The following NBEA variants were observed in gnomAD, a reference collection of about 807,000 sequenced individuals.
The protein encoded by NBEA is neurobeachin.
Under a neutral mutation model 343.4 loss-of-function variants are expected in NBEA, and 44 were observed. The observed-to-expected ratio is 0.13, with a 90% CI of 0.10 to 0.16. The LOEUF is 0.16. Ranked by LOEUF, NBEA falls within the 10% of genes least tolerant of loss-of-function variation. The probability of loss-of-function intolerance (pLI) is 1.00; values close to 1 mark genes in which losing one functional copy is unlikely to be tolerated. For synonymous variants in NBEA, 1,175 were observed against 1,238.7 expected (o/e 0.95, Z 1.08); for missense variants, 2,555 against 3,631.3 (o/e 0.70, Z 7.62).
chr13:35,427,520 G>A (rs1215214168), intron 38 of NBEA, among the ~76,000 whole-genome samples: 16 of 152,176 alleles, frequency 1.1e-4, no homozygotes, highest in African/African-American at 3.4e-4. Flanking sequence ...GTACCCGGCC[G>A]TGTGAGGTGT....
At chr13:35,278,366 T>C (rs2034793548) in intron 34 of NBEA, among the ~76,000 whole-genome samples, 1 of 152,090 alleles carries the variant, frequency 6.6e-6, no homozygotes, top group Non-Finnish European at 1.5e-5. Flanking sequence ...GTTTAACACA[T>C]GGCAATACAA....
chr13:34,971,326 G>T (rs1194085920), intron 1 of NBEA, among the ~76,000 whole-genome samples: 1 of 152,060 alleles, frequency 6.6e-6, no homozygotes, highest in East Asian at 1.9e-4. Context: ...GGCAAACAGG[G>T]TTAGTTTGAC....
At chr13:35,001,490 A>G (rs751881344) in intron 1 of NBEA, among the ~76,000 whole-genome samples, 3 of 152,184 alleles carry the variant, frequency 2.0e-5, no homozygotes, top group Non-Finnish European at 2.9e-5. Context: ...CTATTCGGCT[A>G]TAAAAACAAG....
chr13:35,444,079 T>C (rs2045872683), intron 39 of NBEA, among the ~76,000 whole-genome samples: 1 of 151,988 alleles, frequency 6.6e-6, no homozygotes, highest in African/African-American at 2.4e-5. Context: ...CTATTACTTT[T>C]ATCTCACAGA....
At chr13:35,212,261 C>G (rs1343122030) in intron 33 of NBEA, among the ~76,000 whole-genome samples, 1 of 151,968 alleles carries the variant, frequency 6.6e-6, no homozygotes, top group Non-Finnish European at 1.5e-5. Context: ...TAAGTACATC[C>G]TATGTATTTC....
At chr13:35,207,152 GAAT>G (rs1289638723) in intron 31 of NBEA, among the ~76,000 whole-genome samples, 4 of 151,564 alleles carry the variant, frequency 2.6e-5, no homozygotes, top group East Asian at 1.9e-4. Context: ...CTAAAATTAA[GAAT>G]AATAATTATT....
At chr13:35,447,889 T>C (rs938623262) in intron 39 of NBEA, among the ~76,000 whole-genome samples, 1 of 152,160 alleles carries the variant, frequency 6.6e-6, no homozygotes, top group Non-Finnish European at 1.5e-5. Flanking sequence ...ACCAATTCTT[T>C]CTAAGGACAG....
chr13:35,064,636 C>G (rs1279353903), intron 8 of NBEA, among the ~76,000 whole-genome samples: 3 of 151,806 alleles, frequency 2.0e-5, no homozygotes. Context: ...CTCAGTAGCC[C>G]GTAATCTGAC....
intron 6 of NBEA, among the ~76,000 whole-genome samples, chr13:35,052,688 A>C (rs892370728): frequency 1.3e-5 from 2 of 151,708 alleles, no homozygotes; most frequent in Admixed American, 6.6e-5. Flanking sequence ...TGAAAAACTC[A>C]TTTGTGTCTG....
At chr13:35,130,630 T>G (rs1348602) in intron 17 of NBEA, among the ~76,000 whole-genome samples, 118,155 of 151,544 alleles carry the variant, frequency 0.78, 46,325 homozygotes, top group South Asian at 0.87. Flanking sequence ...ACATATTTTT[T>G]TCCTTAGAAG....
intron 45 of NBEA, 106 bp from the exon 46 acceptor site, chr13:35,583,792 G>T: frequency 1.3e-6 from 1 of 798,452 alleles, no homozygotes. Context: ...TATTTATGCT[G>T]TATGGCTAAA....
At chr13:35,666,824 C>T (rs1294283919) in intron 56 of NBEA, among the ~76,000 whole-genome samples, 1 of 152,160 alleles carries the variant, frequency 6.6e-6, no homozygotes, top group Non-Finnish European at 1.5e-5. Flanking sequence ...CCTCACTATT[C>T]ATTTATTTGA....
At chr13:34,995,514 A>G (rs1277521126) in intron 1 of NBEA, among the ~76,000 whole-genome samples, 3 of 152,172 alleles carry the variant, frequency 2.0e-5, no homozygotes, top group Non-Finnish European at 2.9e-5. Context: ...AAACCCAATA[A>G]CAATGATTTG....
At chr13:35,257,135 T>A (rs1593963896) in intron 34 of NBEA, among the ~76,000 whole-genome samples, 1 of 152,086 alleles carries the variant, frequency 6.6e-6, no homozygotes, top group East Asian at 1.9e-4. Flanking sequence ...GTGGATAGAG[T>A]ATTACAGAGA....
chr13:35,569,377 C>T (rs1272967588), intron 45 of NBEA, among the ~76,000 whole-genome samples: 3 of 152,108 alleles, frequency 2.0e-5, no homozygotes, highest in Admixed American at 6.5e-5. Context: ...AATATATATA[C>T]GATAAAAATT....
rs59333937 is a variant in NBEA at position 35,631,638 on chromosome 13, T to TAAAAAAA, written c.7617+3407_7617+3413dup. ...TGAATATCTATATATGTCTCCTTTGTAAAAAAAAAAAAAAAAAAAAAAATT... is the reference window on the plus strand; with the variant it reads ...TGAATATCTATATATGTCTCCTTTGTAAAAAAAAAAAAAAAAAAAAAAAAAAAAAATT... On this transcript the variant is annotated intron_variant, in intron 49 of 58. Coordinates refer to ENST00000379939, the MANE Select transcript of NBEA (RefSeq NM_001385012.1). 2.3e-3 allele frequency among the ~76,000 whole-genome samples: 285 copies of TAAAAAAA among 126,430 alleles called. 4 individuals are homozygous for TAAAAAAA. Among genetic ancestry groups the TAAAAAAA allele is most frequent in the African/African-American group, 8.2e-3 (266 of 32,550 alleles). The allele number at this position is 126,430 out of a possible 152,430, so 82.9% of individuals were successfully genotyped here.
At chr13:35,450,557 G>T (rs2046259899) in intron 39 of NBEA, among the ~76,000 whole-genome samples, 1 of 152,082 alleles carries the variant, frequency 6.6e-6, no homozygotes. Flanking sequence ...TCTATGGTCT[G>T]GGCCTGGGTG....
At chr13:35,147,012 G>C (rs1489619182) in intron 18 of NBEA, among the ~76,000 whole-genome samples, 1 of 152,098 alleles carries the variant, frequency 6.6e-6, no homozygotes, top group African/African-American at 2.4e-5. Flanking sequence ...CCTCCACAAG[G>C]CATCTCTGGA....
At chr13:35,562,349 G>T (rs2153022499) in intron 44 of NBEA, among the ~76,000 whole-genome samples, 1 of 152,026 alleles carries the variant, frequency 6.6e-6, no homozygotes, top group East Asian at 1.9e-4. Flanking sequence ...TACAACCTAT[G>T]CCTTATTTTA....
Sources: allele counts gnomAD v4.1 joint callset (sites outside exome capture counted in the v4.1 genomes callset), GRCh38; gene constraint gnomAD v4.1.1; transcripts MANE v1.5; gene names NCBI Gene and HGNC (gene_info 2026-07-23, HGNC 2026-07-21).